ARHGEF17: variants seen among roughly 807,000 people sequenced by gnomAD.
The protein encoded by ARHGEF17 is 164 kDa Rho-specific guanine-nucleotide exchange factor.
ARHGEF17 carries 80 observed loss-of-function variants against 174.0 expected under a neutral mutation model. The observed-to-expected ratio is 0.46, with a 90% CI of 0.38 to 0.55. The LOEUF (loss-of-function observed/expected upper bound fraction) is 0.55. ARHGEF17 is among the 20% of genes least tolerant of loss of function. ARHGEF17 has a pLI of 0.00. For synonymous variants in ARHGEF17, 1,311 were observed against 1,189.1 expected, an observed-to-expected ratio of 1.10 and a Z score of -2.11; for missense variants, 2,886 against 2,839.7, an observed-to-expected ratio of 1.02 and a Z score of -0.37.
chr11:73,363,271 C>G lies in ARHGEF17; in HGVS notation c.5062C>G (p.Pro1688Ala), dbSNP rs1726383839. ...CACCAGCTCAGAGGAGGAGCAGGAG[C>G]CAGGCTTCCTGCCACTGTCTGGCTC... ...ETTSSEEEQE[P>A]GFLPLSGSFG... Residue 1688 changes from proline (P) to alanine (A), a missense_variant, in exon 15 of 21, where the codon CCA (proline) becomes GCA (alanine). Physicochemically the swap from Pro to Ala is conservative, Grantham distance 27. Transcript: ENST00000263674. The G allele has an allele frequency of 6.2e-7, 1 of 1,610,414 alleles. No individual in the cohort carries two copies. Among genetic ancestry groups the G allele is most frequent in the East Asian group, 2.2e-5 (1 of 44,802 alleles).
chr11:73,323,322 G>A (rs560666635), intron 1 of ARHGEF17, among the ~76,000 whole-genome samples: 1 of 152,346 alleles, frequency 6.6e-6, no homozygotes, highest in Non-Finnish European at 1.5e-5. Flanking sequence ...GAGTCCTCCA[G>A]AGTCCAGCAG....
At chr11:73,313,557 C>T (rs549486505) in intron 1 of ARHGEF17, among the ~76,000 whole-genome samples, 65 of 152,240 alleles carry the variant, frequency 4.3e-4, no homozygotes, top group African/African-American at 1.5e-3. Context: ...TTCTCCTCTA[C>T]CCCCCACCCC....
chr11:73,359,382 G>A (rs944000321), intron 9 of ARHGEF17, among the ~76,000 whole-genome samples: 1 of 152,212 alleles, frequency 6.6e-6, no homozygotes, highest in African/African-American at 2.4e-5. Context: ...TATGGGATAG[G>A]ACCATAGAAA....
At chr11:73,352,321 C>T (rs1420009606) in intron 2 of ARHGEF17, among the ~76,000 whole-genome samples, 2 of 152,116 alleles carry the variant, frequency 1.3e-5, no homozygotes, top group South Asian at 2.1e-4. Flanking sequence ...AAGACTTCGT[C>T]ATAAAATAAA....
chr11:73,360,770 A>G (rs536123883), intron 11 of ARHGEF17, among the ~76,000 whole-genome samples: 1 of 152,230 alleles, frequency 6.6e-6, no homozygotes, highest in African/African-American at 2.4e-5. Context: ...CCTGCCCCAT[A>G]GTGGGCACCG....
rs186324306 is a variant in ARHGEF17, at chr11:73,319,115, G to A, written c.3192+7285G>A. 5.6e-3 allele frequency among the ~76,000 whole-genome samples: 830 copies of A among 148,128 alleles called. 6 individuals are homozygous for A. Among genetic ancestry groups the A allele is most frequent in the Non-Finnish European group, 8.6e-3 (581 of 67,314 alleles). On this transcript the variant is annotated intron_variant, in intron 1 of 20. Coordinates refer to ENST00000263674, the MANE Select transcript of ARHGEF17 (RefSeq NM_014786.4). ...AGTCTTGCTTTGTTGCCAGGCTGGA[G>A]TACAGTGGCACGATCTCAGCTCACT...
Position 73,309,077 on chromosome 11 carries a change from T to A in ARHGEF17, c.439T>A (p.Ser147Thr). Reference sequence around the variant, plus strand: ...CAGGAGGCCCAGCGCCGACTCTGAATCCCCAGGAACGCCCAGCCCCGACGG... The same window carrying A: ...CAGGAGGCCCAGCGCCGACTCTGAAACCCCAGGAACGCCCAGCCCCGACGG... Reference protein sequence around the residue: ...GSRRPSADSESPGTPSPDGAA... With the variant: ...GSRRPSADSETPGTPSPDGAA... The change falls in exon 1 of 21, where the codon TCC becomes ACC. Residue 147 changes from serine to threonine, a missense_variant. Physicochemically the swap from Ser to Thr is moderately conservative, Grantham distance 58. Transcript: ENST00000263674. 1.3e-6 allele frequency: 2 copies of A among 1,518,102 alleles called. No individual in the cohort carries two copies. The highest frequency in any genetic ancestry group is 1.8e-6 in the Non-Finnish European group (2 of 1,137,510). The allele number at this position is 1,518,102 out of a possible 1,614,324, so 94.0% of individuals were successfully genotyped here. A position where few individuals can be genotyped will look rare whatever the true frequency, so the allele number is the denominator to read the frequency against.
intron 1 of ARHGEF17, among the ~76,000 whole-genome samples, chr11:73,339,371 C>T (rs1424687558): frequency 6.6e-6 from 1 of 152,202 alleles, no homozygotes; most frequent in Non-Finnish European, 1.5e-5. Context: ...GTATTCATGA[C>T]TGTCATTGAT....
intron 1 of ARHGEF17, among the ~76,000 whole-genome samples, chr11:73,313,013 A>G (rs758630901): frequency 4.1e-4 from 62 of 151,964 alleles, no homozygotes; most frequent in African/African-American, 1.4e-3. Flanking sequence ...GGTTACTTCA[A>G]CTGTGGCCTG....
chr11:73,329,333 A>G (rs1165057317), intron 1 of ARHGEF17, among the ~76,000 whole-genome samples: 1 of 1,158 alleles, frequency 8.6e-4, no homozygotes, highest in African/African-American at 2.6e-3. Context: ...ATATATATAT[A>G]TATATATATA....
In ARHGEF17 at chr11:73,311,189, C is replaced by T. The variant is rs1211057378; in HGVS notation, c.2551C>T (p.Arg851Ter). The change falls in exon 1 of 21, where the codon CGA becomes TGA. Residue 851 changes from arginine to a stop codon, truncating the protein, a stop_gained. Transcript: ENST00000263674. LOFTEE classifies it high-confidence loss of function. The part of the protein sequence containing the change: ...GFEGPGGEPI[R>*]EVEPMLPPSS... ...CGAGGGCCCTGGAGGGGAGCCCATC[C>T]GAGAAGTTGAGCCCATGCTGCCTCC... is the stretch of plus-strand genomic sequence containing the variant. The T allele has an allele frequency of 1.3e-6, 2 of 1,596,614 alleles. No individual in the cohort carries two copies. Among genetic ancestry groups the T allele is most frequent in the Non-Finnish European group, 1.7e-6 (2 of 1,168,832 alleles).
At chr11:73,352,756 C>CA (rs1865575535) in intron 2 of ARHGEF17, 74 bp from the exon 3 acceptor site, 4 of 1,560,510 alleles carry the variant, frequency 2.6e-6, no homozygotes, top group Non-Finnish European at 2.6e-6. Context: ...TGTGCACTCA[C>CA]ACAGGGGCCC....
chr11:73,367,174 C>T (rs1339453946), intron 20 of ARHGEF17, among the ~76,000 whole-genome samples: 4 of 152,118 alleles, frequency 2.6e-5, no homozygotes, highest in Non-Finnish European at 5.9e-5. Context: ...AATAAAGCCT[C>T]GGGTCAGGAG....
rs536229235 is a variant in ARHGEF17 at position 73,328,356 on chromosome 11, C to G, written c.3192+16526C>G. 3.7e-4 allele frequency among the ~76,000 whole-genome samples: 57 copies of G among 152,288 alleles called. 1 individual carries two copies. The highest frequency in any genetic ancestry group is 3.7e-3 in the South Asian group (18 of 4,826). Reference sequence around the variant, plus strand: ...AAATCCCCACCTTGCTTTAAAGTTGCCCATCACTGACTCTGGAGCAGCTGG... The same window carrying G: ...AAATCCCCACCTTGCTTTAAAGTTGGCCATCACTGACTCTGGAGCAGCTGG... On this transcript the variant is annotated intron_variant, in intron 1 of 20. Transcript: ENST00000263674.
rs1469537824 is a variant in ARHGEF17 at position 73,364,568 on chromosome 11, C to T, written c.5518C>T (p.Leu1840Phe). 6.2e-7 allele frequency: 1 copy of T among 1,613,184 alleles called. No homozygotes were observed. Among genetic ancestry groups the T allele is most frequent in the South Asian group, 1.1e-5 (1 of 91,038 alleles). Reference protein sequence around the residue: ...RLWCGCQNRVLVLSPDTLQLE... With the variant: ...RLWCGCQNRVFVLSPDTLQLE... ...GTGGTGTGGCTGCCAGAACCGAGTC[C>T]TTGTCCTGAGCCCTGACACGCTGCA... The change falls in exon 18 of 21, where the codon CTT (leucine) becomes TTT (phenylalanine). Residue 1840 changes from leucine to phenylalanine, a missense_variant. This residue lies in a region of ARHGEF17 where 329 missense variants were observed against 435.2 expected (regional missense o/e 0.76). Transcript: ENST00000263674.
chr11:73,335,576 C>A (rs998454668), intron 1 of ARHGEF17, among the ~76,000 whole-genome samples: 15 of 151,958 alleles, frequency 9.9e-5, no homozygotes, highest in Middle Eastern at 3.4e-3. Context: ...AAAAAAAAAA[C>A]CCACCAGTTA....
chr11:73,309,327 C>CCTG lies in ARHGEF17; in HGVS notation c.692_694dup (p.Cys231dup), dbSNP rs2135783029. On this transcript the variant is annotated inframe_insertion, in exon 1 of 21. Coordinates refer to ENST00000263674, the MANE Select transcript of ARHGEF17 (RefSeq NM_014786.4). The stretch of plus-strand genomic sequence containing the variant: ...CAACCGCAGGCCGGGGCCCGGGCCT[C>CCTG]CTGCTCCTCCTCCTCCATCGCCGCC... The CCTG allele has an allele frequency of 1.3e-6, 2 of 1,579,598 alleles. No homozygotes were observed. The highest frequency in any genetic ancestry group is 1.8e-5 in the African/African-American group (1 of 55,598).
In ARHGEF17 at chr11:73,310,742, A is replaced by C. The variant is rs200068545; in HGVS notation, c.2104A>C (p.Thr702Pro). 30 of 1,611,376 alleles carry C rather than the reference A, an allele frequency of 1.9e-5. 1 individual carries two copies. Among genetic ancestry groups the C allele is most frequent in the African/African-American group, 4.0e-5 (3 of 74,820 alleles). ...CCTGGTGTCGCCTGAGACCCCTCCCACACCAGGTGCCCTCCGCCGACGACG... is the reference window on the plus strand; with the variant it reads ...CCTGGTGTCGCCTGAGACCCCTCCCCCACCAGGTGCCCTCCGCCGACGACG... ...WALVSPETPP[T>P]PGALRRRRKV... Residue 702 changes from threonine to proline, a missense_variant, in exon 1 of 21, where the codon ACA becomes CCA. By Grantham distance (38) the Thr-to-Pro change is conservative. This residue lies in a region of ARHGEF17 where 1,728 missense variants were observed against 1,461.2 expected (regional missense o/e 1.18). Coordinates refer to ENST00000263674, the MANE Select transcript of ARHGEF17 (RefSeq NM_014786.4).
At position 73,368,656 on chromosome 11, in the gene ARHGEF17, C is replaced by T. The variant is rs904161725; in HGVS notation, c.*876C>T. On this transcript the variant is annotated 3_prime_UTR_variant, in exon 21 of 21. Coordinates refer to ENST00000263674, the MANE Select transcript of ARHGEF17 (RefSeq NM_014786.4). ...CTCACAGTCGCCCCCAGTCCTTGGC[C>T]CTGCTTCCCTGTGTCTCATGCACTG... 6.6e-6 allele frequency: 1 copy of T among 152,534 alleles called. No homozygotes were observed. The highest frequency in any genetic ancestry group is 2.4e-5 in the African/African-American group (1 of 41,416). The allele number at this position is 152,534 out of a possible 1,614,324, so 9.4% of individuals were successfully genotyped here. A position where few individuals can be genotyped will look rare whatever the true frequency, so the allele number is the denominator to read the frequency against.
Sources: allele counts gnomAD v4.1 joint callset (sites outside exome capture counted in the v4.1 genomes callset), GRCh38; gene constraint gnomAD v4.1.1; regional missense constraint gnomAD v4.1.1; transcripts MANE v1.5; gene names NCBI Gene and HGNC (gene_info 2026-07-23, HGNC 2026-07-21).